The following CCSER1 variants were observed in gnomAD, a reference collection of about 807,000 sequenced individuals.
CCSER1 encodes coiled-coil serine rich protein 1.
In CCSER1, 41 loss-of-function variants were observed where a neutral mutation model predicts 82.0. That is an observed-to-expected ratio of 0.50 (90% CI 0.39 to 0.65). The LOEUF (loss-of-function observed/expected upper bound fraction) is 0.65. CCSER1 is among the 30% of genes least tolerant of loss of function. The probability of loss-of-function intolerance (pLI) is 0.00; values close to 1 mark genes in which losing one functional copy is unlikely to be tolerated. For missense variants in CCSER1, 1,119 were observed against 1,064.2 expected (o/e 1.05, Z -0.72); for synonymous variants, 414 against 383.9 (o/e 1.08, Z -0.92).
At chr4:90,474,118 T>A (rs1406849297) in intron 5 of CCSER1, among the ~76,000 whole-genome samples, 1 of 145,738 alleles carries the variant, frequency 6.9e-6, no homozygotes, top group Non-Finnish European at 1.5e-5. Context: ...TCCAGCCTGG[T>A]GACAGAGCAA....
rs757870134 is a variant in CCSER1 at position 90,937,504 on chromosome 4, A to ACACACACAC, written c.2172+14057_2172+14058insCACACACAC. ...AAACACACACACACACACACACACA[A>ACACACACAC]ACACACACACACTGAATGGCTCAAT... On this transcript the variant is annotated intron_variant, in intron 9 of 10. Transcript: ENST00000509176. Among the ~76,000 whole-genome samples the ACACACACAC allele has an allele frequency of 1.1e-3, 83 of 77,782 alleles. 1 individual carries two copies. Among genetic ancestry groups the ACACACACAC allele is most frequent in the African/African-American group, 2.8e-3 (72 of 25,368 alleles). 51.0% of individuals were successfully genotyped at this position (77,782 alleles called of 152,430 possible). A position where few individuals can be genotyped will look rare whatever the true frequency, so the allele number is the denominator to read the frequency against.
chr4:90,863,924 A>G (rs1383643376), intron 8 of CCSER1, among the ~76,000 whole-genome samples: 2 of 150,564 alleles, frequency 1.3e-5, no homozygotes, highest in East Asian at 2.0e-4. Context: ...ATTTTTTTCT[A>G]CTTTATTCAA....
chr4:90,802,899 C>CT (rs77042698), intron 7 of CCSER1, among the ~76,000 whole-genome samples: 344 of 148,784 alleles, frequency 2.3e-3, no homozygotes, highest in Middle Eastern at 3.5e-3. Context: ...TTTCTTTCTT[C>CT]TTTTTTTTTT....
At chr4:90,965,357 G>A (rs938061972) in intron 9 of CCSER1, among the ~76,000 whole-genome samples, 1 of 152,054 alleles carries the variant, frequency 6.6e-6, no homozygotes, top group Non-Finnish European at 1.5e-5. Flanking sequence ...TCAAGGCTGT[G>A]TGTATGCCCA....
chr4:91,243,423 C>T (rs2149133174), intron 10 of CCSER1, among the ~76,000 whole-genome samples: 1 of 151,196 alleles, frequency 6.6e-6, no homozygotes, highest in East Asian at 2.0e-4. Flanking sequence ...AGGGAGACAC[C>T]AGCTGCTGGC....
chr4:90,932,828 C>CAAA lies in CCSER1; in HGVS notation c.2172+9396_2172+9398dup, dbSNP rs70965459. 3.0e-3 allele frequency among the ~76,000 whole-genome samples: 76 copies of CAAA among 25,180 alleles called. 3 individuals carry two copies. The highest frequency in any genetic ancestry group is 4.3e-3 in the South Asian group (3 of 696). The allele number at this position is 25,180 out of a possible 152,430, so 16.5% of individuals were successfully genotyped here. On this transcript the variant is annotated intron_variant, in intron 9 of 10. Coordinates refer to ENST00000509176, the MANE Select transcript of CCSER1 (RefSeq NM_001145065.2). The stretch of plus-strand genomic sequence containing the variant: ...GGGTGACAGAGCAAGACTCCGTCTC[C>CAAA]AAAAAAAAAAAAAAAAAGAAACAAT...
intron 10 of CCSER1, among the ~76,000 whole-genome samples, chr4:91,305,731 G>A (rs1578160119): frequency 6.6e-6 from 1 of 150,466 alleles, no homozygotes. Context: ...CCCAAGAGTG[G>A]GTAATTTATA....
chr4:91,072,562 G>A (rs1367752006), intron 9 of CCSER1, among the ~76,000 whole-genome samples: 1 of 152,048 alleles, frequency 6.6e-6, no homozygotes, highest in East Asian at 1.9e-4. Flanking sequence ...TCACTGATTT[G>A]CTAAACATGT....
At chr4:90,227,532 C>A (rs981585015) in intron 1 of CCSER1, among the ~76,000 whole-genome samples, 1 of 152,138 alleles carries the variant, frequency 6.6e-6, no homozygotes, top group East Asian at 1.9e-4. Context: ...AAATTAAGCA[C>A]CTTGCAACAT....
chr4:91,045,728 A>C (rs940852637), intron 9 of CCSER1, among the ~76,000 whole-genome samples: 1 of 151,972 alleles, frequency 6.6e-6, no homozygotes, highest in Non-Finnish European at 1.5e-5. Context: ...GGGTCTTTTC[A>C]ATTTGTTTTC....
chr4:90,136,584 A>G (rs1360492920), intron 1 of CCSER1, among the ~76,000 whole-genome samples: 1 of 152,232 alleles, frequency 6.6e-6, no homozygotes, highest in Non-Finnish European at 1.5e-5. Flanking sequence ...ATGTATTACA[A>G]ACCTACATCA....
chr4:91,500,769 A>G (rs958194893), intron 10 of CCSER1, among the ~76,000 whole-genome samples: 1 of 151,850 alleles, frequency 6.6e-6, no homozygotes, highest in Non-Finnish European at 1.5e-5. Flanking sequence ...GTTATTTTTT[A>G]TTATTATTTC....
intron 3 of CCSER1, among the ~76,000 whole-genome samples, chr4:90,355,129 C>T (rs903757457): frequency 6.6e-6 from 1 of 151,962 alleles, no homozygotes; most frequent in Admixed American, 6.6e-5. Flanking sequence ...AGACTCAAAT[C>T]TTTACCTAAT....
intron 10 of CCSER1, among the ~76,000 whole-genome samples, chr4:91,261,840 G>T (rs1264782151): frequency 6.6e-6 from 1 of 152,008 alleles, no homozygotes; most frequent in Non-Finnish European, 1.5e-5. Context: ...TACTATTTTT[G>T]AAGTACATAT....
At position 91,547,164 on chromosome 4, in the gene CCSER1, T is replaced by C. The variant is rs553129724; in HGVS notation, c.2218-51408T>C. Among the ~76,000 whole-genome samples the C allele has an allele frequency of 1.1e-4, 17 of 152,194 alleles. No individual in the cohort carries two copies. In the South Asian group the frequency reaches 3.3e-3, roughly 30 times the overall value. The stretch of plus-strand genomic sequence containing the variant: ...GTGTTTTATGGCCCCGAATATGGCT[T>C]GTCTTGGAAAATGCTCCATATGAGC... On this transcript the variant is annotated intron_variant, in intron 10 of 10. Transcript: ENST00000509176.
intron 7 of CCSER1, among the ~76,000 whole-genome samples, chr4:90,801,054 CA>C (rs1275237626): frequency 6.6e-6 from 1 of 151,730 alleles, no homozygotes; most frequent in Admixed American, 6.6e-5. Flanking sequence ...ATTGTTAGTT[CA>C]AAAAAATGAA....
intron 5 of CCSER1, among the ~76,000 whole-genome samples, chr4:90,616,718 C>A (rs906079995): frequency 2.4e-5 from 3 of 127,268 alleles, no homozygotes; most frequent in African/African-American, 1.1e-4. Context: ...CACACACACA[C>A]ACACACACAC....
At chr4:90,247,873 AT>A (rs1348164418) in intron 1 of CCSER1, among the ~76,000 whole-genome samples, 1 of 152,026 alleles carries the variant, frequency 6.6e-6, no homozygotes, top group Non-Finnish European at 1.5e-5. Context: ...TGAAAAAAGC[AT>A]TTTTGATCTG....
At chr4:90,823,660 TG>T (rs200709915) in intron 8 of CCSER1, among the ~76,000 whole-genome samples, 1 of 151,660 alleles carries the variant, frequency 6.6e-6, no homozygotes. Context: ...CTCTCTATTT[TG>T]GGGGGGGATG....
Sources: gnomAD v4.1 joint callset for allele counts (sites outside exome capture counted in the v4.1 genomes callset) on GRCh38, gnomAD v4.1.1 for gene constraint, MANE v1.5 for transcripts, NCBI Gene and HGNC (gene_info 2026-07-23, HGNC 2026-07-21) for gene names.